DCLK1: variants seen among roughly 807,000 people sequenced by gnomAD.
DCLK1 encodes the protein doublecortin like kinase 1, also known as serine/threonine-protein kinase DCLK1.
Under a neutral mutation model 86.2 loss-of-function variants are expected in DCLK1, and 16 were observed. That is an observed-to-expected ratio of 0.19 (90% CI 0.13 to 0.28). The LOEUF (loss-of-function observed/expected upper bound fraction) is 0.28, where lower values mean the gene tolerates loss of function less well. Ranked by LOEUF, DCLK1 falls within the 10% of genes least tolerant of loss-of-function variation. The probability of loss-of-function intolerance (pLI) is 1.00; values close to 1 mark genes in which losing one functional copy is unlikely to be tolerated. For missense variants in DCLK1, 590 were observed against 940.2 expected (o/e 0.63, Z 4.87); for synonymous variants, 369 against 370.5 (o/e 1.00, Z 0.05).
At chr13:35,893,222 G>A (rs1223686575) in intron 4 of DCLK1, among the ~76,000 whole-genome samples, 1 of 152,184 alleles carries the variant, frequency 6.6e-6, no homozygotes, top group African/African-American at 2.4e-5. Flanking sequence ...GAAGGGGCAA[G>A]CAGCTTTCCC....
chr13:35,846,720 C>G, intron 6 of DCLK1: 1 of 985,304 alleles, frequency 1.0e-6, no homozygotes, highest in Non-Finnish European at 1.2e-6. Context: ...ACAGTTGTCA[C>G]TAACATGCAC....
At chr13:35,834,162 G>T (rs1286642456) in intron 8 of DCLK1, among the ~76,000 whole-genome samples, 5 of 152,038 alleles carry the variant, frequency 3.3e-5, no homozygotes, top group African/African-American at 9.7e-5. Flanking sequence ...TAGAAATGGG[G>T]TTTTCTGCTA....
chr13:36,082,429 T>C (rs1035002491), intron 3 of DCLK1, among the ~76,000 whole-genome samples: 6 of 152,242 alleles, frequency 3.9e-5, no homozygotes, highest in Non-Finnish European at 2.9e-5. Context: ...CAGTAGGCTA[T>C]TAGTAATTAA....
intron 15 of DCLK1, among the ~76,000 whole-genome samples, chr13:35,796,826 T>C (rs1224924113): frequency 6.6e-6 from 1 of 152,194 alleles, no homozygotes; most frequent in African/African-American, 2.4e-5. Context: ...GTGAATCATC[T>C]TTTCCATGAT....
intron 3 of DCLK1, among the ~76,000 whole-genome samples, chr13:35,962,327 A>T (rs1216368542): frequency 6.6e-6 from 1 of 152,168 alleles, no homozygotes; most frequent in Non-Finnish European, 1.5e-5. Flanking sequence ...AGAAAAGGAC[A>T]CTTGGACAAA....
chr13:35,789,646 A>G, intron 16 of DCLK1, among the ~76,000 whole-genome samples: 1 of 152,214 alleles, frequency 6.6e-6, no homozygotes, highest in East Asian at 1.9e-4. Flanking sequence ...GCAAAATGCA[A>G]AAGAAGAACT....
chr13:35,781,022 A>G (rs919495452), intron 16 of DCLK1, among the ~76,000 whole-genome samples: 21 of 152,256 alleles, frequency 1.4e-4, no homozygotes, highest in African/African-American at 5.1e-4. Flanking sequence ...AGATAGTTTA[A>G]ATCCTTCGTT....
chr13:36,034,821 A>G (rs992549193), intron 3 of DCLK1, among the ~76,000 whole-genome samples: 16 of 152,164 alleles, frequency 1.1e-4, no homozygotes, highest in Non-Finnish European at 1.6e-4. Context: ...AACAAGAATC[A>G]GGGAAAATGG....
intron 3 of DCLK1, among the ~76,000 whole-genome samples, chr13:36,105,186 C>T (rs1593894502): frequency 6.6e-6 from 1 of 152,118 alleles, no homozygotes; most frequent in African/African-American, 2.4e-5. Flanking sequence ...ATTTCGAATT[C>T]CATGCTCTTT....
chr13:36,120,909 G>T (rs1040351027), intron 2 of DCLK1, among the ~76,000 whole-genome samples: 1 of 152,158 alleles, frequency 6.6e-6, no homozygotes, highest in East Asian at 1.9e-4. Context: ...TACATAAGTG[G>T]TTGGAGTGTA....
Position 35,772,955 on chromosome 13 carries a change from A to G in DCLK1, c.*1580T>C, listed in dbSNP as rs1413586626. The G allele has an allele frequency of 3.9e-5, 6 of 152,236 alleles. No individual in the cohort carries two copies. The highest frequency in any genetic ancestry group is 6.5e-5 in the Admixed American group (1 of 15,286). The allele number at this position is 152,236 out of a possible 1,614,324, so 9.4% of individuals were successfully genotyped here. ...TTAAAGTATATTCAAAACAGAGAAC[A>G]TAGGTACTGTTCAGCCACCAGATGC... On this transcript the variant is annotated 3_prime_UTR_variant, in exon 17 of 17. Coordinates refer to ENST00000360631, the MANE Select transcript of DCLK1 (RefSeq NM_001330071.2).
At chr13:36,120,075 A>G (rs1418939695) in intron 2 of DCLK1, among the ~76,000 whole-genome samples, 1 of 152,232 alleles carries the variant, frequency 6.6e-6, no homozygotes, top group Non-Finnish European at 1.5e-5. Context: ...CCTGTCTCAC[A>G]TATTATAACA....
At chr13:36,053,760 G>T (rs921709911) in intron 3 of DCLK1, among the ~76,000 whole-genome samples, 6 of 152,008 alleles carry the variant, frequency 3.9e-5, no homozygotes, top group African/African-American at 1.5e-4. Context: ...CCTCATATGG[G>T]GACTTCTAAG....
At chr13:36,116,984 G>C (rs796677406) in intron 2 of DCLK1, among the ~76,000 whole-genome samples, 3 of 152,148 alleles carry the variant, frequency 2.0e-5, no homozygotes, top group South Asian at 2.1e-4. Flanking sequence ...TTTTCATTGA[G>C]CTATTAAAGG....
chr13:35,789,611 A>G (rs1160055103), intron 16 of DCLK1, among the ~76,000 whole-genome samples: 3 of 152,236 alleles, frequency 2.0e-5, no homozygotes, highest in Admixed American at 6.5e-5. Context: ...TTGTTCAATT[A>G]GACTGAAACG....
In DCLK1 at chr13:35,792,857, G is replaced by A. The variant is rs1390611299; in HGVS notation, c.2058+509C>T. On this transcript the variant is annotated intron_variant, in intron 16 of 16. Transcript: ENST00000360631. ...AGAAATTTCTAAGGAGCAAGACATC[G>A]TGACTTCGTTGGGTGTTCACAGTAA... 4.6e-5 allele frequency among the ~76,000 whole-genome samples: 7 copies of A among 152,166 alleles called. No homozygotes were observed. In the East Asian group the frequency reaches 1.3e-3, roughly 29 times the overall value.
chr13:35,879,010 T>A (rs1593692174), intron 4 of DCLK1, among the ~76,000 whole-genome samples: 1 of 152,100 alleles, frequency 6.6e-6, no homozygotes, highest in East Asian at 1.9e-4. Flanking sequence ...GGGCTCGAAC[T>A]CCTGACCTTA....
intron 16 of DCLK1, among the ~76,000 whole-genome samples, chr13:35,784,161 T>A (rs569071320): frequency 6.6e-6 from 1 of 152,286 alleles, no homozygotes; most frequent in East Asian, 1.9e-4. Flanking sequence ...GGAAAGAGAT[T>A]CTGAGGCAAG....
At chr13:36,117,585 G>A (rs969745978) in intron 2 of DCLK1, among the ~76,000 whole-genome samples, 1 of 152,080 alleles carries the variant, frequency 6.6e-6, no homozygotes, top group South Asian at 2.1e-4. Flanking sequence ...TTGGAGCCAC[G>A]AAAATGTTTA....
Sources: gnomAD v4.1 joint callset for allele counts (sites outside exome capture counted in the v4.1 genomes callset) on GRCh38, gnomAD v4.1.1 for gene constraint, MANE v1.5 for transcripts, NCBI Gene and HGNC (gene_info 2026-07-23, HGNC 2026-07-21) for gene names.